UBE2D2: variants seen among roughly 807,000 people sequenced by gnomAD.
UBE2D2 encodes the protein ubiquitin conjugating enzyme E2 D2.
A neutral mutation model predicts 24.2 loss-of-function variants in UBE2D2; 2 were observed. The observed-to-expected ratio is 0.08, with a 90% CI of 0.03 to 0.26. The LOEUF is 0.26. Ranked by LOEUF, UBE2D2 falls within the 10% of genes least tolerant of loss-of-function variation. The pLI, the probability that UBE2D2 is intolerant of heterozygous loss-of-function variation, is 1.00. For synonymous variants in UBE2D2, 58 were observed against 56.5 expected, an observed-to-expected ratio of 1.03 and a Z score of -0.12; for missense variants, 44 against 177.6, an observed-to-expected ratio of 0.25 and a Z score of 4.28.
intron 1 of UBE2D2, among the ~76,000 whole-genome samples, chr5:139,592,752 G>A (rs1482259864): frequency 6.6e-6 from 1 of 151,038 alleles, no homozygotes; most frequent in Non-Finnish European, 1.5e-5. Context: ...ACAGGCACGT[G>A]CCACGATGCC....
chr5:139,552,931 C>T (rs1420065247), intron 1 of UBE2D2, among the ~76,000 whole-genome samples: 2 of 152,158 alleles, frequency 1.3e-5, no homozygotes, highest in Non-Finnish European at 2.9e-5. Flanking sequence ...ATCCACCTGC[C>T]TTGGCCTCCC....
intron 1 of UBE2D2, among the ~76,000 whole-genome samples, chr5:139,590,782 C>CTTTTTTTTTTTTTTTTTTTTTT (rs57962602): frequency 1.0e-4 from 4 of 38,424 alleles, no homozygotes; most frequent in Non-Finnish European, 1.5e-4. Flanking sequence ...TTCTCTTCTT[C>CTTTTTTTTTTTTTTTTTTTTTT]TTTTTTTTTT....
At chr5:139,542,853 T>C (rs1252209256) in intron 1 of UBE2D2, among the ~76,000 whole-genome samples, 1 of 152,160 alleles carries the variant, frequency 6.6e-6, no homozygotes, top group Non-Finnish European at 1.5e-5. Flanking sequence ...GCCAACTGTA[T>C]GGGTTTGTTT....
chr5:139,596,099 G>C (rs1238872735), intron 1 of UBE2D2, among the ~76,000 whole-genome samples: 2 of 151,340 alleles, frequency 1.3e-5, no homozygotes, highest in Non-Finnish European at 2.9e-5. Context: ...TCAGCATGTT[G>C]GCCAGGCTGG....
chr5:139,615,014 C>G, intron 5 of UBE2D2, 48 bp downstream of exon 5: 1 of 1,487,088 alleles, frequency 6.7e-7, no homozygotes, highest in Non-Finnish European at 9.2e-7. Flanking sequence ...TGTCTTTTGT[C>G]TTTTTAGAGT....
chr5:139,613,572 A>C (rs376115476), intron 2 of UBE2D2, among the ~76,000 whole-genome samples: 60 of 152,268 alleles, frequency 3.9e-4, no homozygotes, highest in African/African-American at 1.4e-3. Context: ...GCTTTCAGCT[A>C]ATATTTTCTT....
chr5:139,529,910 G>T (rs534669366), intron 1 of UBE2D2, among the ~76,000 whole-genome samples: 21 of 152,292 alleles, frequency 1.4e-4, no homozygotes, highest in Non-Finnish European at 2.6e-4. Context: ...TGGAGGAACT[G>T]TAACAAGAGA....
chr5:139,593,926 A>AAT (rs1753906621), intron 1 of UBE2D2, among the ~76,000 whole-genome samples: 1 of 152,196 alleles, frequency 6.6e-6, no homozygotes, highest in East Asian at 1.9e-4. Flanking sequence ...CTGAAATTAC[A>AAT]ATGCTATGAA....
chr5:139,582,647 C>T (rs1218178673), intron 1 of UBE2D2, among the ~76,000 whole-genome samples: 4 of 149,718 alleles, frequency 2.7e-5, no homozygotes, highest in Non-Finnish European at 5.9e-5. Context: ...TTTCAGATTT[C>T]GAAGCGATTT....
At chr5:139,610,804 G>T (rs1420798838) in intron 2 of UBE2D2, among the ~76,000 whole-genome samples, 2 of 151,960 alleles carry the variant, frequency 1.3e-5, no homozygotes, top group African/African-American at 2.4e-5. Context: ...TTGAGCTGAG[G>T]TTGCGCCCTT....
chr5:139,575,720 A>C (rs142748454), intron 1 of UBE2D2, among the ~76,000 whole-genome samples: 1 of 152,228 alleles, frequency 6.6e-6, no homozygotes, highest in Non-Finnish European at 1.5e-5. Flanking sequence ...TTAAGGGCTT[A>C]TGTCAGGGAA....
intron 1 of UBE2D2, among the ~76,000 whole-genome samples, chr5:139,594,319 G>A (rs976670580): frequency 2.0e-5 from 3 of 152,064 alleles, no homozygotes; most frequent in Non-Finnish European, 2.9e-5. Context: ...AATTTAGAGG[G>A]TTTCTTTTTG....
intron 2 of UBE2D2, among the ~76,000 whole-genome samples, chr5:139,612,524 C>T (rs1372734541): frequency 6.6e-6 from 1 of 152,238 alleles, no homozygotes; most frequent in East Asian, 1.9e-4. Flanking sequence ...TCTTACCCAA[C>T]TCTTACAGCT....
chr5:139,591,692 G>C (rs751418434), intron 1 of UBE2D2, among the ~76,000 whole-genome samples: 4 of 152,168 alleles, frequency 2.6e-5, no homozygotes, highest in African/African-American at 4.8e-5. Context: ...ACTCATGTAA[G>C]TTAATGAGTT....
chr5:139,552,675 A>ATTTTTT (rs35039276), intron 1 of UBE2D2, among the ~76,000 whole-genome samples: 1 of 59,344 alleles, frequency 1.7e-5, no homozygotes, highest in African/African-American at 6.1e-5. Context: ...CGCTTGGCTA[A>ATTTTTT]TTTTTTTTTT....
chr5:139,606,613 CTTATTT>C (rs1186601239), intron 2 of UBE2D2, among the ~76,000 whole-genome samples: 3 of 152,092 alleles, frequency 2.0e-5, no homozygotes, highest in Non-Finnish European at 4.4e-5. Context: ...GTGCTGGGAA[CTTATTT>C]TTGTTTTTTA....
At chr5:139,595,014 G>C (rs950495840) in intron 1 of UBE2D2, among the ~76,000 whole-genome samples, 1 of 152,146 alleles carries the variant, frequency 6.6e-6, no homozygotes, top group Non-Finnish European at 1.5e-5. Flanking sequence ...GGTGTTTAGG[G>C]AATAATGACC....
intron 5 of UBE2D2, among the ~76,000 whole-genome samples, chr5:139,621,820 A>C (rs1272707378): frequency 6.6e-6 from 1 of 151,894 alleles, no homozygotes; most frequent in African/African-American, 2.4e-5. Context: ...ACAGAATCTC[A>C]CTCTGTTGCC....
chr5:139,571,009 C>A (rs1753341604), intron 1 of UBE2D2, among the ~76,000 whole-genome samples: 1 of 152,196 alleles, frequency 6.6e-6, no homozygotes, highest in Admixed American at 6.5e-5. Context: ...CACTGTCCTT[C>A]CACCTTAAAC....
Sources: allele counts gnomAD v4.1 joint callset (sites outside exome capture counted in the v4.1 genomes callset), GRCh38; gene constraint gnomAD v4.1.1; transcripts MANE v1.5; gene names NCBI Gene and HGNC (gene_info 2026-07-23, HGNC 2026-07-21).